The following TP53BP1 variants were observed in gnomAD, a reference collection of about 807,000 sequenced individuals.
The protein encoded by TP53BP1 is tumor protein p53 binding protein 1, also known as TP53-binding protein 1.
TP53BP1 carries 61 observed loss-of-function variants against 200.8 expected under a neutral mutation model. The ratio of observed to expected loss-of-function variants is 0.30; its 90% confidence interval spans 0.25 to 0.38. TP53BP1 has a LOEUF of 0.38. TP53BP1 is among the 10% of genes least tolerant of loss of function. The pLI is 1.00. For missense variants in TP53BP1, 2,144 were observed against 2,371.9 expected (o/e 0.90, Z 2.00); for synonymous variants, 822 against 844.3 (o/e 0.97, Z 0.46).
At chr15:43,446,844 C>T in intron 13 of TP53BP1, 1 of 1,408,632 alleles carries the variant, frequency 7.1e-7, no homozygotes, top group Non-Finnish European at 9.6e-7. Context: ...CTCAGCCAAC[C>T]CACATCTGCC....
chr15:43,488,356 G>A (rs2079074716), intron 4 of TP53BP1, among the ~76,000 whole-genome samples: 1 of 151,756 alleles, frequency 6.6e-6, no homozygotes, highest in South Asian at 2.1e-4. Context: ...ATTTTATATA[G>A]TATTTTGAAA....
intron 23 of TP53BP1, among the ~76,000 whole-genome samples, 159 bp from the exon 24 acceptor site, chr15:43,413,493 AC>A (rs2045182913): frequency 6.6e-6 from 1 of 152,252 alleles, no homozygotes; most frequent in South Asian, 2.1e-4. Flanking sequence ...CCAATGGCCA[AC>A]CATTCTAAAT....
intron 11 of TP53BP1, among the ~76,000 whole-genome samples, chr15:43,463,577 T>C (rs2046491105): frequency 6.6e-6 from 1 of 151,948 alleles, no homozygotes; most frequent in African/African-American, 2.4e-5. Context: ...TAAGTAATGG[T>C]AAAGGGATTT....
In TP53BP1 at chr15:43,479,399, T is replaced by A; in HGVS notation, c.786A>T (p.Ala262=). The change falls in exon 7 of 28, where the codon GCA becomes GCT. Residue 262 remains alanine, a splice_region_variant and synonymous_variant. Coordinates refer to ENST00000382044, the MANE Select transcript of TP53BP1 (RefSeq NM_001141980.3). Reference sequence around the variant, plus strand: ...CCTTTTTAGAAAGTTCGGCTTACCTTGCAGGTGGTGGATTTTGCTCTTTTA... The same window carrying A: ...CCTTTTTAGAAAGTTCGGCTTACCTAGCAGGTGGTGGATTTTGCTCTTTTA... ...HVVKEQNPPP[A]RSEDMPFSPK... The A allele has an allele frequency of 6.2e-7, 1 of 1,601,022 alleles. No homozygotes were observed. The highest frequency in any genetic ancestry group is 8.5e-7 in the Non-Finnish European group (1 of 1,175,032).
chr15:43,495,495 TCACACA>T (rs376410840), upstream of TP53BP1, among the ~76,000 whole-genome samples: 334 of 133,448 alleles, frequency 2.5e-3, no homozygotes, highest in South Asian at 0.02. Context: ...TGAGACTCCG[TCACACA>T]CACACACACA....
At chr15:43,427,626 G>A (rs1226712830) in intron 18 of TP53BP1, among the ~76,000 whole-genome samples, 2 of 152,154 alleles carry the variant, frequency 1.3e-5, no homozygotes, top group Admixed American at 6.5e-5. Context: ...ACAGGAAAGC[G>A]GGATGGGGTA....
rs148256420 is a variant in TP53BP1 at position 43,408,045 on chromosome 15, C to A, written c.5644G>T (p.Val1882Leu). The A allele has an allele frequency of 4.3e-6, 7 of 1,613,998 alleles. No homozygotes were observed. In the African/African-American group the frequency reaches 9.3e-5, roughly 22 times the overall value. The change falls in exon 27 of 28, where the codon GTA becomes TTA. Residue 1882 changes from valine (V) to leucine (L), a missense_variant. This residue lies in a region of TP53BP1 where 334 missense variants were observed against 453.4 expected (regional missense o/e 0.74). Transcript: ENST00000382044. ...AGGAAGTTCTGCTGTTGGTCTGATA[C>A]CAAGAGTACCTTCAGATTCTGGAAA... is the stretch of plus-strand genomic sequence containing the variant. Reference protein sequence around the residue: ...NPFQNLKVLLVSDQQQNFLEL... With the variant: ...NPFQNLKVLLLSDQQQNFLEL...
In TP53BP1 at chr15:43,457,151, T is replaced by C; in HGVS notation, c.1457A>G (p.His486Arg). The change falls in exon 12 of 28, where the codon CAT (histidine) becomes CGT (arginine). Residue 486 changes from histidine to arginine, a missense_variant. By Grantham distance (29) the His-to-Arg change is conservative (BLOSUM62 0). Transcript: ENST00000382044. ...SNDGKKDGDM[H>R]SSSLTVECSK... Reference sequence around the variant, plus strand: ...ACACTCAACTGTCAAAGATGAACTATGCATATCTCCATCTTTCTTCCCATC... The same window carrying C: ...ACACTCAACTGTCAAAGATGAACTACGCATATCTCCATCTTTCTTCCCATC... The C allele has an allele frequency of 6.2e-7, 1 of 1,613,324 alleles. No individual in the cohort carries two copies.
chr15:43,474,731 A>C lies in TP53BP1; in HGVS notation c.1122T>G (p.Ala374=). The C allele has an allele frequency of 1.2e-6, 2 of 1,613,642 alleles. No individual in the cohort carries two copies. Among genetic ancestry groups the C allele is most frequent in the Non-Finnish European group, 1.7e-6 (2 of 1,179,512 alleles). ...SSDLVAPSPD[A]FRSTPFIVPS... The stretch of plus-strand genomic sequence containing the variant: ...GAACGATAAAAGGAGTAGATCGGAA[A>C]GCATCAGGAGAAGGAGCAACAAGAT... The change falls in exon 10 of 28, where the codon GCT becomes GCG. Residue 374 remains alanine (A), a synonymous_variant. Transcript: ENST00000382044.
intron 4 of TP53BP1, among the ~76,000 whole-genome samples, chr15:43,489,948 T>A (rs2079097904): frequency 6.6e-6 from 1 of 152,052 alleles, no homozygotes; most frequent in South Asian, 2.1e-4. Flanking sequence ...GGTCTCACTC[T>A]ATCAACCAGG....
At chr15:43,454,902 T>C (rs189200912) in intron 12 of TP53BP1, among the ~76,000 whole-genome samples, 3 of 151,984 alleles carry the variant, frequency 2.0e-5, no homozygotes, top group African/African-American at 7.2e-5. Flanking sequence ...GGCTAATTTT[T>C]TGTATTTTAG....
intron 16 of TP53BP1, among the ~76,000 whole-genome samples, chr15:43,433,793 G>A (rs1252856332): frequency 6.6e-6 from 1 of 152,162 alleles, no homozygotes; most frequent in African/African-American, 2.4e-5. Context: ...GTAACATGAA[G>A]GACGATAAGG....
At position 43,475,504 on chromosome 15, in the gene TP53BP1, C is replaced by G. The variant is rs2078867094; in HGVS notation, c.1085+61G>C. 2.5e-6 allele frequency: 4 copies of G among 1,587,330 alleles called. No homozygotes were observed. The Admixed American group carries it at 7.0e-5, about 28-fold the overall frequency. ...AGCAGATAAGTTTAGCCTCTTTCAG[C>G]CTTAGCCTAAGACTCTCAGGCACAT... On this transcript the variant is annotated intron_variant, in intron 9 of 27. Coordinates refer to ENST00000382044, the MANE Select transcript of TP53BP1 (RefSeq NM_001141980.3).
At chr15:43,492,912 C>G (rs1210132170) in intron 1 of TP53BP1, 125 bp downstream of exon 1, 9 of 1,230,528 alleles carry the variant, frequency 7.3e-6, no homozygotes, top group African/African-American at 1.5e-5. Flanking sequence ...CCTTAGGGCC[C>G]TCCAACCCCT....
At chr15:43,500,444 A>T (rs1278364434) in intron 1 of TP53BP1, among the ~76,000 whole-genome samples, 1 of 151,834 alleles carries the variant, frequency 6.6e-6, no homozygotes, top group Non-Finnish European at 1.5e-5. Context: ...ATCTATATCC[A>T]CCCACTTCCC....
chr15:43,474,277 C>A lies in TP53BP1; in HGVS notation c.1180+396G>T, dbSNP rs548996787. 3.3e-5 allele frequency among the ~76,000 whole-genome samples: 5 copies of A among 152,286 alleles called. No individual in the cohort carries two copies. The South Asian group carries it at 8.3e-4, about 25-fold the overall frequency. ...GCACCTCTCCCTGCACGCCTCCCTG[C>A]AAGCTGAGGGAGCGGGCTCCAGCCT... On this transcript the variant is annotated intron_variant, in intron 10 of 27. Coordinates refer to ENST00000382044, the MANE Select transcript of TP53BP1 (RefSeq NM_001141980.3).
At chr15:43,507,604 T>C (rs990651658) in intron 1 of TP53BP1, among the ~76,000 whole-genome samples, 2 of 152,234 alleles carry the variant, frequency 1.3e-5, no homozygotes, top group African/African-American at 4.8e-5. Flanking sequence ...ATAATTCATA[T>C]ATGTATTTAA....
At chr15:43,501,006 C>A (rs754788691) in intron 1 of TP53BP1, among the ~76,000 whole-genome samples, 2 of 152,012 alleles carry the variant, frequency 1.3e-5, no homozygotes, top group Non-Finnish European at 2.9e-5. Flanking sequence ...TGCACACCAG[C>A]CTGGGTGACA....
intron 10 of TP53BP1, among the ~76,000 whole-genome samples, chr15:43,473,443 C>G (rs1283952682): frequency 2.0e-5 from 3 of 151,816 alleles, no homozygotes; most frequent in African/African-American, 7.3e-5. Flanking sequence ...AGTGTCCACA[C>G]AAAGGTTCTC....
Sources: allele counts gnomAD v4.1 joint callset (sites outside exome capture counted in the v4.1 genomes callset), GRCh38; gene constraint gnomAD v4.1.1; regional missense constraint gnomAD v4.1.1; transcripts MANE v1.5; gene names NCBI Gene and HGNC (gene_info 2026-07-23, HGNC 2026-07-21).